The following ARMH4 variants were observed in gnomAD, a reference collection of about 807,000 sequenced individuals.
ARMH4 encodes the protein armadillo like helical domain containing 4.
ARMH4 carries 49 observed loss-of-function variants against 61.9 expected under a neutral mutation model. That is an observed-to-expected ratio of 0.79 (90% CI 0.63 to 1.00). The LOEUF is 1.00. Among genes scored for constraint, ARMH4 ranks in the 50% least tolerant of loss-of-function variants. ARMH4 has a pLI of 0.00. For synonymous variants in ARMH4, 368 were observed against 341.5 expected (o/e 1.08, Z -0.85); for missense variants, 934 against 930.0 (o/e 1.00, Z -0.06).
intron 5 of ARMH4, among the ~76,000 whole-genome samples, chr14:58,092,351 C>A (rs896316775): frequency 6.6e-6 from 1 of 152,182 alleles, no homozygotes. Flanking sequence ...AAAAAGTATA[C>A]GTAATTTTAC....
chr14:58,063,156 A>G (rs751496300), intron 5 of ARMH4, among the ~76,000 whole-genome samples: 20 of 152,040 alleles, frequency 1.3e-4, no homozygotes, highest in Non-Finnish European at 2.2e-4. Context: ...ACATAACTCC[A>G]ATCTCTACCT....
chr14:58,090,354 T>C (rs1388844041), intron 5 of ARMH4, among the ~76,000 whole-genome samples: 4 of 152,100 alleles, frequency 2.6e-5, no homozygotes, highest in African/African-American at 9.7e-5. Flanking sequence ...TCTTAGAGGA[T>C]AGAAGAGACA....
chr14:58,064,207 C>A (rs905743076), intron 5 of ARMH4, among the ~76,000 whole-genome samples: 20 of 149,960 alleles, frequency 1.3e-4, no homozygotes, highest in African/African-American at 4.1e-4. Context: ...ATTACCCACT[C>A]CCTGAATAGC....
intron 5 of ARMH4, among the ~76,000 whole-genome samples, chr14:58,059,506 G>T (rs922510251): frequency 2.0e-5 from 3 of 152,212 alleles, no homozygotes; most frequent in Non-Finnish European, 4.4e-5. Flanking sequence ...CCAAGATCTA[G>T]AGAATATAGA....
intron 1 of ARMH4, among the ~76,000 whole-genome samples, chr14:58,151,555 A>G (rs1015661393): frequency 1.3e-5 from 2 of 152,260 alleles, no homozygotes; most frequent in Non-Finnish European, 2.9e-5. Context: ...TGTTTTCTGC[A>G]AAGTGGCAGG....
At chr14:58,096,063 C>A (rs533695797) in intron 5 of ARMH4, among the ~76,000 whole-genome samples, 1 of 152,102 alleles carries the variant, frequency 6.6e-6, no homozygotes, top group Admixed American at 6.5e-5. Flanking sequence ...AGCTGAGGAG[C>A]GGCCTGCATC....
intron 4 of ARMH4, among the ~76,000 whole-genome samples, chr14:58,099,363 AGGAGTAACCACCAGGGTG>A (rs1443288489): frequency 6.6e-6 from 1 of 152,206 alleles, no homozygotes. Flanking sequence ...CACAGGAAAC[AGGAGTAACCACCAGGGTG>A]GGAGAAAATC....
intron 3 of ARMH4, 129 bp from the exon 4 acceptor site, chr14:58,131,850 G>A (rs1566595569): frequency 2.6e-6 from 2 of 773,020 alleles, no homozygotes; most frequent in Non-Finnish European, 4.2e-6. Flanking sequence ...TTGGCACTTG[G>A]GTCAGCTCTC....
At chr14:58,142,689 C>T (rs1033069008) in intron 1 of ARMH4, among the ~76,000 whole-genome samples, 1 of 152,100 alleles carries the variant, frequency 6.6e-6, no homozygotes, top group Non-Finnish European at 1.5e-5. Flanking sequence ...CCAGACTGGT[C>T]TTGAACTCCT....
At chr14:58,061,150 C>G (rs566745080) in intron 5 of ARMH4, among the ~76,000 whole-genome samples, 1 of 152,186 alleles carries the variant, frequency 6.6e-6, no homozygotes, top group Non-Finnish European at 1.5e-5. Context: ...AAGGAGGAAT[C>G]GAATCCATCC....
intron 5 of ARMH4, 72 bp from the exon 6 acceptor site, chr14:58,012,222 G>A (rs981229598): frequency 3.2e-6 from 3 of 929,672 alleles, no homozygotes; most frequent in East Asian, 2.9e-5. Flanking sequence ...AAGTTAATTT[G>A]ACAAATTAAA....
chr14:58,028,120 T>C (rs1386961506), intron 5 of ARMH4, among the ~76,000 whole-genome samples: 2 of 152,176 alleles, frequency 1.3e-5, no homozygotes, highest in African/African-American at 2.4e-5. Flanking sequence ...TCCTCAGTCA[T>C]TGGAAACATG....
At chr14:58,094,570 AGTGTGTGCAT>A (rs1209312902) in intron 5 of ARMH4, among the ~76,000 whole-genome samples, 1 of 152,166 alleles carries the variant, frequency 6.6e-6, no homozygotes, top group Non-Finnish European at 1.5e-5. Context: ...TGTGTATGTG[AGTGTGTGCAT>A]GTGTGTACAT....
chr14:58,132,581 C>CTTTTTTTTTTTTTTTTTT, intron 3 of ARMH4, among the ~76,000 whole-genome samples: 1 of 86,022 alleles, frequency 1.2e-5, no homozygotes, highest in Non-Finnish European at 2.3e-5. Flanking sequence ...ACCCTTGTCC[C>CTTTTTTTTTTTTTTTTTT]TTTTTTTTTT....
chr14:58,029,397 C>A (rs112739261), intron 5 of ARMH4, among the ~76,000 whole-genome samples: 1 of 152,144 alleles, frequency 6.6e-6, no homozygotes, highest in Non-Finnish European at 1.5e-5. Flanking sequence ...CCATGCCCAG[C>A]TAATTTTTGT....
At chr14:58,043,797 C>T (rs4329841) in intron 5 of ARMH4, among the ~76,000 whole-genome samples, 7 of 152,068 alleles carry the variant, frequency 4.6e-5, no homozygotes, top group Non-Finnish European at 7.4e-5. Context: ...CACAAGCATT[C>T]TTATACACCA....
At chr14:58,148,902 G>C (rs1287168598) in intron 1 of ARMH4, among the ~76,000 whole-genome samples, 2 of 150,690 alleles carry the variant, frequency 1.3e-5, no homozygotes, top group African/African-American at 4.9e-5. Context: ...ACAGTTACAG[G>C]TAACAAGTCT....
intron 5 of ARMH4, among the ~76,000 whole-genome samples, chr14:58,019,783 T>C (rs557495976): frequency 3.3e-5 from 5 of 152,068 alleles, no homozygotes; most frequent in African/African-American, 9.6e-5. Context: ...AGAGTGAGAC[T>C]CTGTCTCAAA....
At chr14:58,089,714 G>T (rs1167140636) in intron 5 of ARMH4, among the ~76,000 whole-genome samples, 1 of 152,158 alleles carries the variant, frequency 6.6e-6, no homozygotes, top group Non-Finnish European at 1.5e-5. Context: ...CTCTAATATT[G>T]GAAAGCAGGC....
Sources: allele counts gnomAD v4.1 joint callset (sites outside exome capture counted in the v4.1 genomes callset), GRCh38; gene constraint gnomAD v4.1.1; transcripts MANE v1.5; gene names NCBI Gene and HGNC (gene_info 2026-07-23, HGNC 2026-07-21).